Variants in RRM2 observed in about 807,000 individuals in gnomAD.
RRM2 encodes ribonucleotide reductase regulatory subunit M2.
RRM2 carries 6 observed loss-of-function variants against 45.9 expected under a neutral mutation model. The ratio of observed to expected loss-of-function variants is 0.13; its 90% CI spans 0.07 to 0.26. The LOEUF (loss-of-function observed/expected upper bound fraction) is 0.26. RRM2 is among the 10% of genes least tolerant of loss of function. The pLI is 1.00. For synonymous variants in RRM2, 177 were observed against 173.0 expected, an observed-to-expected ratio of 1.02 and a Z score of -0.18; for missense variants, 343 against 489.5, an observed-to-expected ratio of 0.70 and a Z score of 2.82.
At chr2:10,156,886 G>A (rs1242760797) in intron 3 of RRM2, among the ~76,000 whole-genome samples, 1 of 152,154 alleles carries the variant, frequency 6.6e-6, no homozygotes, top group Non-Finnish European at 1.5e-5. Context: ...TGATCCTTCT[G>A]CCTCCCCTTG....
At chr2:10,162,502 GA>G (rs1481235414) in intron 3 of RRM2, among the ~76,000 whole-genome samples, 1 of 152,004 alleles carries the variant, frequency 6.6e-6, no homozygotes, top group African/African-American at 2.4e-5. Flanking sequence ...TCTGTCCCCA[GA>G]AAAAGTGCCG....
chr2:10,174,103 T>C (rs1663864371), intron 3 of RRM2, among the ~76,000 whole-genome samples: 1 of 152,126 alleles, frequency 6.6e-6, no homozygotes, highest in Non-Finnish European at 1.5e-5. Context: ...TTAGGATCCT[T>C]ATAAGAACCT....
chr2:10,158,485 C>T lies in RRM2; in HGVS notation n.482+16110C>T, dbSNP rs377041633. On this transcript the variant is annotated intron_variant and non_coding_transcript_variant, in intron 3 of 3. Coordinates refer to the RRM2 transcript ENST00000381786. ...CTTGGCCATGTCTTTCCATCTGAGGCACTCAGTACAGAGGGTGAGGGGTCC... is the reference window on the plus strand; with the variant it reads ...CTTGGCCATGTCTTTCCATCTGAGGTACTCAGTACAGAGGGTGAGGGGTCC... Among the ~76,000 whole-genome samples, 25 of 152,136 alleles carry T rather than the reference C, an allele frequency of 1.6e-4. 4 individuals are homozygous for T. Among genetic ancestry groups the T allele is most frequent in the Admixed American group, 8.5e-4 (13 of 15,276 alleles).
intron 3 of RRM2, among the ~76,000 whole-genome samples, chr2:10,165,575 G>A (rs2125320433): frequency 6.6e-6 from 1 of 152,348 alleles, no homozygotes; most frequent in African/African-American, 2.4e-5. Flanking sequence ...GATAAATATT[G>A]TAAAGTTTAC....
At chr2:10,154,532 G>A (rs1663385044) in intron 3 of RRM2, among the ~76,000 whole-genome samples, 1 of 151,094 alleles carries the variant, frequency 6.6e-6, no homozygotes, top group African/African-American at 2.4e-5. Flanking sequence ...CAGGCAGTAT[G>A]AGGTTGCATG....
downstream of RRM2, among the ~76,000 whole-genome samples, chr2:10,136,244 G>C (rs1347768206): frequency 6.6e-6 from 1 of 152,222 alleles, no homozygotes; most frequent in African/African-American, 2.4e-5. Flanking sequence ...GGGCAGAGGG[G>C]TTGAGGCCCA....
At chr2:10,210,596 A>T in exon 4 of RRM2, 1 of 1,365,016 alleles carries the variant, frequency 7.3e-7, no homozygotes, top group South Asian at 1.1e-5. Context: ...AGGGCCCCAT[A>T]GACAGCAGAT....
chr2:10,179,527 G>A (rs984391047), intron 3 of RRM2, among the ~76,000 whole-genome samples: 2 of 152,216 alleles, frequency 1.3e-5, no homozygotes, highest in Non-Finnish European at 2.9e-5. Context: ...GGAGACTAGT[G>A]TATAGATTCT....
At chr2:10,197,095 C>T (rs1012156846) in intron 3 of RRM2, among the ~76,000 whole-genome samples, 1 of 152,196 alleles carries the variant, frequency 6.6e-6, no homozygotes, top group Non-Finnish European at 1.5e-5. Flanking sequence ...CCTGCCATGG[C>T]GTCTCTCCAG....
At chr2:10,136,405 G>A (rs913822327), downstream of RRM2, among the ~76,000 whole-genome samples, 7 of 152,100 alleles carry the variant, frequency 4.6e-5, 1 homozygote, top group African/African-American at 1.7e-4. Context: ...TGGCAAGATG[G>A]AATCTGTGTT....
chr2:10,126,100 C>T (rs968751992), intron 5 of RRM2, among the ~76,000 whole-genome samples: 4 of 144,254 alleles, frequency 2.8e-5, no homozygotes, highest in East Asian at 2.1e-4. Flanking sequence ...TTGGTTTTAC[C>T]GTGAGCTGTG....
rs13024320 is a variant in RRM2, at chr2:10,199,800, A to C, written n.483-10511A>C. ...GTCTCAAAAAAAAAAAAAAAAAAAA[A>C]AAAAAAAAACAAATCATGGTATGAC... On this transcript the variant is annotated intron_variant and non_coding_transcript_variant, in intron 3 of 3. Transcript: ENST00000381786. Among the ~76,000 whole-genome samples the C allele has an allele frequency of 6.8e-3, 663 of 97,686 alleles. 41 individuals are homozygous for C. Among genetic ancestry groups the C allele is most frequent in the African/African-American group, 7.5e-3 (186 of 24,758 alleles). The allele number at this position is 97,686 out of a possible 152,430, so 64.1% of individuals were successfully genotyped here. A position where few individuals can be genotyped will look rare whatever the true frequency, so the allele number is the denominator to read the frequency against.
chr2:10,209,405 C>G (rs1010367984), intron 3 of RRM2, among the ~76,000 whole-genome samples: 6 of 152,210 alleles, frequency 3.9e-5, no homozygotes, highest in African/African-American at 1.4e-4. Context: ...GCTCCCCTGC[C>G]CCACACACCT....
At chr2:10,210,136 G>T (rs549038801) in intron 3 of RRM2, among the ~76,000 whole-genome samples, 4 of 152,122 alleles carry the variant, frequency 2.6e-5, no homozygotes, top group Non-Finnish European at 4.4e-5. Flanking sequence ...TCCCTGTGCC[G>T]AAATCATCTC....
intron 3 of RRM2, among the ~76,000 whole-genome samples, chr2:10,175,095 A>G (rs1451289045): frequency 1.3e-5 from 2 of 152,230 alleles, no homozygotes; most frequent in Non-Finnish European, 2.9e-5. Flanking sequence ...AGATATAATT[A>G]CATGCAGAAA....
rs780615574 is a variant in RRM2, at chr2:10,124,677, G to GT, written c.436-34dup. ...TATCCGTTGACAGTTGCTGCTGTTG[G>GT]TTTTTTCTCAAGCTTAACTTTGATG... On this transcript the variant is annotated intron_variant, in intron 4 of 9. Coordinates refer to ENST00000304567, the MANE Select transcript of RRM2 (RefSeq NM_001034.4). 1.9e-5 allele frequency: 30 copies of GT among 1,610,330 alleles called. No homozygotes were observed. In the East Asian group the frequency reaches 6.5e-4, roughly 35 times the overall value.
chr2:10,186,594 G>C (rs1275684238), intron 3 of RRM2, among the ~76,000 whole-genome samples: 1 of 152,206 alleles, frequency 6.6e-6, no homozygotes, highest in Non-Finnish European at 1.5e-5. Flanking sequence ...CCTGCCTGGG[G>C]TCAATGCCCT....
chr2:10,131,060 G>A lies in RRM2; in HGVS notation c.*1674G>A, dbSNP rs1261362418. Reference sequence around the variant, plus strand: ...TAATTGTATTCAGTATTTGAACGTCGTCCTGTTTATTGTTAGTTTTCTTCA... The same window carrying A: ...TAATTGTATTCAGTATTTGAACGTCATCCTGTTTATTGTTAGTTTTCTTCA... On this transcript the variant is annotated 3_prime_UTR_variant, in exon 10 of 10. Coordinates refer to ENST00000304567, the MANE Select transcript of RRM2 (RefSeq NM_001034.4). 3 of 152,118 alleles carry A rather than the reference G, an allele frequency of 2.0e-5. No homozygotes were observed. Among genetic ancestry groups the A allele is most frequent in the Non-Finnish European group, 2.9e-5 (2 of 68,014 alleles). The allele number at this position is 152,118 out of a possible 1,614,324, so 9.4% of individuals were successfully genotyped here.
intron 3 of RRM2, among the ~76,000 whole-genome samples, chr2:10,157,016 C>CTTTTTTTTTTTTTTTTTTTT: frequency 1.2e-5 from 1 of 85,926 alleles, no homozygotes; most frequent in Non-Finnish European, 2.1e-5. Flanking sequence ...CAGCCCATTT[C>CTTTTTTTTTTTTTTTTTTTT]TTTTTTTTTT....
Sources: gnomAD v4.1 joint callset for allele counts (sites outside exome capture counted in the v4.1 genomes callset) on GRCh38, gnomAD v4.1.1 for gene constraint, MANE v1.5 for transcripts, NCBI Gene and HGNC (gene_info 2026-07-23, HGNC 2026-07-21) for gene names.